G3BP2: variants seen among roughly 807,000 people sequenced by gnomAD.
The protein encoded by G3BP2 is ras GTPase-activating protein-binding protein 2.
Under a neutral mutation model 56.7 loss-of-function variants are expected in G3BP2, and 11 were observed. The ratio of observed to expected loss-of-function variants is 0.19; its 90% CI spans 0.12 to 0.32. The LOEUF (loss-of-function observed/expected upper bound fraction) is 0.32, where lower values mean the gene tolerates loss of function less well. Among genes scored for constraint, G3BP2 ranks in the 10% least tolerant of loss-of-function variants. The pLI is 1.00. For synonymous variants in G3BP2, 165 were observed against 191.6 expected (o/e 0.86, Z 1.15); for missense variants, 340 against 610.9 (o/e 0.56, Z 4.67).
intron 2 of G3BP2, 184 bp downstream of exon 2, chr4:75,661,744 GTTT>G (rs1210630891): frequency 1.3e-5 from 7 of 550,224 alleles, no homozygotes; most frequent in Non-Finnish European, 2.0e-5. Flanking sequence ...GACATAAAAT[GTTT>G]TTATTACTGT....
Position 75,644,223 on chromosome 4 carries a change from A to T in G3BP2, c.*1207T>A, listed in dbSNP as rs944422315. On this transcript the variant is annotated 3_prime_UTR_variant, in exon 12 of 12. Coordinates refer to ENST00000359707, the MANE Select transcript of G3BP2 (RefSeq NM_203505.3). ...ACTGACTTTTCCAAGCCCTGAAGTG[A>T]TATGTTTCAACGTCCACATTCAGGC... The T allele has an allele frequency of 6.5e-6, 1 of 152,680 alleles. No individual in the cohort carries two copies. The highest frequency in any genetic ancestry group is 2.1e-4 in the South Asian group (1 of 4,826). The allele number at this position is 152,680 out of a possible 1,614,324, so 9.5% of individuals were successfully genotyped here. A position where few individuals can be genotyped will look rare whatever the true frequency, so the allele number is the denominator to read the frequency against.
chr4:75,662,193 C>G (rs568485658), intron 1 of G3BP2, 144 bp from the exon 2 acceptor site: 1 of 542,176 alleles, frequency 1.8e-6, no homozygotes, highest in Non-Finnish European at 3.3e-6. Flanking sequence ...GTTCTGATAA[C>G]CCACTACCAT....
intron 1 of G3BP2, among the ~76,000 whole-genome samples, chr4:75,670,886 AT>A (rs1411071773): frequency 1.3e-5 from 2 of 152,194 alleles, no homozygotes; most frequent in African/African-American, 4.8e-5. Flanking sequence ...CAAAAAATTA[AT>A]TTTAAACAAG....
chr4:75,710,419 C>G (rs1365484552), intron 3 of G3BP2, among the ~76,000 whole-genome samples: 2 of 152,152 alleles, frequency 1.3e-5, no homozygotes, highest in African/African-American at 4.8e-5. Context: ...GGTTACTTTT[C>G]CACATCTCAT....
chr4:75,708,339 C>T (rs1362168509), intron 3 of G3BP2, among the ~76,000 whole-genome samples: 1 of 152,154 alleles, frequency 6.6e-6, no homozygotes, highest in Non-Finnish European at 1.5e-5. Flanking sequence ...AAAGAGGGCC[C>T]AGTATGCATG....
At chr4:75,671,095 A>G (rs988499995) in intron 1 of G3BP2, among the ~76,000 whole-genome samples, 7 of 152,240 alleles carry the variant, frequency 4.6e-5, no homozygotes, top group Non-Finnish European at 1.0e-4. Flanking sequence ...AAGGTAGGCC[A>G]GGACCTTCCT....
chr4:75,648,839 G>T, intron 8 of G3BP2, 98 bp from the exon 9 acceptor site: 1 of 656,854 alleles, frequency 1.5e-6, no homozygotes, highest in East Asian at 2.7e-5. Context: ...CATAACAGTA[G>T]TTTTAAGTTT....
chr4:75,657,149 T>G (rs901141435), intron 4 of G3BP2, 135 bp from the exon 5 acceptor site: 1 of 549,202 alleles, frequency 1.8e-6, no homozygotes. Context: ...ATGCTGAACA[T>G]GCTATGATGT....
At chr4:75,722,035 A>G (rs1166264253) in intron 2 of G3BP2, among the ~76,000 whole-genome samples, 2 of 152,100 alleles carry the variant, frequency 1.3e-5, no homozygotes, top group Admixed American at 6.6e-5. Flanking sequence ...TATTAAAGGA[A>G]TTATACTAGA....
chr4:75,701,178 A>T (rs1719329122), intron 3 of G3BP2, among the ~76,000 whole-genome samples: 1 of 152,008 alleles, frequency 6.6e-6, no homozygotes, highest in Non-Finnish European at 1.5e-5. Flanking sequence ...TTTAAATAAA[A>T]TATTTTTCTT....
chr4:75,674,718 A>ATATATATATAT (rs1241041465), upstream of G3BP2, among the ~76,000 whole-genome samples: 1 of 71,432 alleles, frequency 1.4e-5, no homozygotes, highest in African/African-American at 5.9e-5. Flanking sequence ...ATATATATAT[A>ATATATATATAT]TTTTTTTTTT....
At chr4:75,680,240 TAA>T (rs1734019603) in intron 3 of G3BP2, among the ~76,000 whole-genome samples, 1 of 152,150 alleles carries the variant, frequency 6.6e-6, no homozygotes, top group African/African-American at 2.4e-5. Flanking sequence ...TAAGTTAATA[TAA>T]AAGAGTGTGT....
In G3BP2 at chr4:75,644,362, G is replaced by A. The variant is rs1043784807; in HGVS notation, c.*1068C>T. 6.6e-6 allele frequency: 1 copy of A among 152,502 alleles called. No individual in the cohort carries two copies. Among genetic ancestry groups the A allele is most frequent in the Non-Finnish European group, 1.5e-5 (1 of 67,988 alleles). The allele number at this position is 152,502 out of a possible 1,614,324, so 9.4% of individuals were successfully genotyped here. A position where few individuals can be genotyped will look rare whatever the true frequency, so the allele number is the denominator to read the frequency against. ...AGAGAACACAAAGTTGTTAACTGAAGAACAAGATAAATAATATGCTAGTCC... is the reference window on the plus strand; with the variant it reads ...AGAGAACACAAAGTTGTTAACTGAAAAACAAGATAAATAATATGCTAGTCC... On this transcript the variant is annotated 3_prime_UTR_variant, in exon 12 of 12. Transcript: ENST00000359707.
At chr4:75,683,393 G>A (rs1205889952) in intron 3 of G3BP2, among the ~76,000 whole-genome samples, 1 of 151,906 alleles carries the variant, frequency 6.6e-6, no homozygotes, top group African/African-American at 2.4e-5. Flanking sequence ...GCGAAACCCT[G>A]TCTCTACTAA....
chr4:75,669,963 G>A (rs1032621441), intron 1 of G3BP2, among the ~76,000 whole-genome samples: 6 of 152,142 alleles, frequency 3.9e-5, no homozygotes, highest in South Asian at 2.1e-4. Context: ...GTGCAGTGGC[G>A]GGCGCCTGTA....
At chr4:75,645,870 G>A (rs1299561448) in intron 11 of G3BP2, among the ~76,000 whole-genome samples, 168 bp from the exon 12 acceptor site, 3 of 152,104 alleles carry the variant, frequency 2.0e-5, no homozygotes, top group African/African-American at 7.2e-5. Context: ...ACAGCCAGTG[G>A]CACAAGCATG....
intron 7 of G3BP2, 32 bp downstream of exon 7, chr4:75,655,034 T>G: frequency 6.9e-7 from 1 of 1,458,640 alleles, no homozygotes; most frequent in Non-Finnish European, 9.4e-7. Context: ...GAACATGTGA[T>G]GTTGTAAGTC....
At chr4:75,647,980 G>A (rs1731356278) in intron 9 of G3BP2, among the ~76,000 whole-genome samples, 1 of 152,150 alleles carries the variant, frequency 6.6e-6, no homozygotes, top group South Asian at 2.1e-4. Flanking sequence ...GAATCAAAAT[G>A]GGCTTATTGT....
intron 1 of G3BP2, among the ~76,000 whole-genome samples, chr4:75,669,310 TA>T (rs1032248562): frequency 6.6e-6 from 1 of 152,228 alleles, no homozygotes; most frequent in Non-Finnish European, 1.5e-5. Context: ...TTATTTCTGT[TA>T]AAAGTGTCAT....
Sources: gnomAD v4.1 joint callset for allele counts (sites outside exome capture counted in the v4.1 genomes callset) on GRCh38, gnomAD v4.1.1 for gene constraint, MANE v1.5 for transcripts, NCBI Gene and HGNC (gene_info 2026-07-23, HGNC 2026-07-21) for gene names.